The following SCFD2 variants were observed in gnomAD, a reference collection of about 807,000 sequenced individuals.
SCFD2 encodes the protein sec1 family domain-containing protein 2.
Under a neutral mutation model 58.9 loss-of-function variants are expected in SCFD2, and 54 were observed. The observed-to-expected ratio is 0.92, with a 90% CI of 0.74 to 1.15. The LOEUF (loss-of-function observed/expected upper bound fraction) is 1.15. Ranked by LOEUF, SCFD2 falls within the 50% of genes most tolerant of loss-of-function variation. The pLI is 0.00. For missense variants in SCFD2, 805 were observed against 836.6 expected (o/e 0.96, Z 0.47); for synonymous variants, 321 against 335.9 (o/e 0.96, Z 0.49).
At chr4:53,050,268 T>C (rs1723154368) in intron 5 of SCFD2, among the ~76,000 whole-genome samples, 1 of 152,178 alleles carries the variant, frequency 6.6e-6, no homozygotes, top group Non-Finnish European at 1.5e-5. Flanking sequence ...AATGAGGTGT[T>C]GATTAGACAT....
chr4:52,974,381 C>G (rs1292274900), intron 5 of SCFD2, among the ~76,000 whole-genome samples: 1 of 152,128 alleles, frequency 6.6e-6, no homozygotes. Flanking sequence ...CAATAACAGA[C>G]AAACAGAGAG....
At chr4:53,114,768 T>A (rs1725273908) in intron 5 of SCFD2, among the ~76,000 whole-genome samples, 1 of 152,078 alleles carries the variant, frequency 6.6e-6, no homozygotes, top group Non-Finnish European at 1.5e-5. Context: ...ACAGAAATAG[T>A]TTTGAAAATT....
intron 4 of SCFD2, among the ~76,000 whole-genome samples, chr4:53,260,644 G>A (rs186626154): frequency 6.6e-6 from 1 of 152,156 alleles, no homozygotes; most frequent in Admixed American, 6.5e-5. Context: ...ATTTTGCTGA[G>A]GATTTTTGCA....
chr4:53,130,544 C>A (rs1390990769), intron 5 of SCFD2, among the ~76,000 whole-genome samples: 2 of 152,110 alleles, frequency 1.3e-5, no homozygotes, highest in African/African-American at 4.8e-5. Flanking sequence ...TGCAGTGCTA[C>A]CCCACTGACC....
intron 5 of SCFD2, among the ~76,000 whole-genome samples, chr4:53,017,881 C>G (rs1475905981): frequency 7.3e-6 from 1 of 137,574 alleles, no homozygotes; most frequent in Non-Finnish European, 1.7e-5. Flanking sequence ...AGGTCATTCC[C>G]CAAAGTATCC....
chr4:53,256,507 A>T (rs1188446388), intron 4 of SCFD2, among the ~76,000 whole-genome samples: 1 of 152,086 alleles, frequency 6.6e-6, no homozygotes, highest in Non-Finnish European at 1.5e-5. Flanking sequence ...CAATCTCGGC[A>T]CTTTGGGAGG....
intron 5 of SCFD2, among the ~76,000 whole-genome samples, chr4:53,126,757 G>T (rs1386333563): frequency 1.3e-5 from 2 of 152,190 alleles, no homozygotes; most frequent in Non-Finnish European, 2.9e-5. Flanking sequence ...AGCCACACCT[G>T]CAGGGAAAGC....
chr4:53,257,862 GCT>G (rs1401217894), intron 4 of SCFD2, among the ~76,000 whole-genome samples: 3 of 151,632 alleles, frequency 2.0e-5, no homozygotes, highest in African/African-American at 7.3e-5. Context: ...CATTATGCAT[GCT>G]CTCTTTTTTA....
intron 5 of SCFD2, among the ~76,000 whole-genome samples, chr4:53,101,025 G>A (rs992546004): frequency 2.2e-4 from 34 of 152,102 alleles, no homozygotes; most frequent in African/African-American, 6.5e-4. Flanking sequence ...CAAATGCGTC[G>A]ATGGAGACAG....
At chr4:52,933,611 T>C (rs983687811) in intron 5 of SCFD2, among the ~76,000 whole-genome samples, 1 of 152,090 alleles carries the variant, frequency 6.6e-6, no homozygotes, top group Admixed American at 6.5e-5. Flanking sequence ...AAAGAACTGG[T>C]GAACTACAGC....
intron 2 of SCFD2, among the ~76,000 whole-genome samples, chr4:53,325,091 C>T (rs1350115917): frequency 6.6e-6 from 1 of 152,144 alleles, no homozygotes; most frequent in Non-Finnish European, 1.5e-5. Flanking sequence ...CCTTTTCTCA[C>T]CATAAAAACT....
chr4:53,342,784 A>G (rs2149149470), intron 2 of SCFD2, among the ~76,000 whole-genome samples: 1 of 152,232 alleles, frequency 6.6e-6, no homozygotes, highest in East Asian at 1.9e-4. Context: ...CAATCAAACT[A>G]GAACTCAGGA....
At chr4:52,875,194 T>G (rs1718442720) in intron 8 of SCFD2, among the ~76,000 whole-genome samples, 1 of 152,098 alleles carries the variant, frequency 6.6e-6, no homozygotes. Context: ...TCTGGGCCCT[T>G]TACTCCCTTA....
At chr4:53,036,608 C>T (rs1426528189) in intron 5 of SCFD2, among the ~76,000 whole-genome samples, 4 of 151,826 alleles carry the variant, frequency 2.6e-5, no homozygotes, top group Non-Finnish European at 5.9e-5. Context: ...AAGCCAAATA[C>T]CACATGTTCT....
At chr4:53,252,421 C>G (rs373075978) in intron 4 of SCFD2, among the ~76,000 whole-genome samples, 1 of 151,494 alleles carries the variant, frequency 6.6e-6, no homozygotes, top group Admixed American at 6.6e-5. Flanking sequence ...GAGCCCGCAT[C>G]GCCAAGTCAA....
intron 6 of SCFD2, among the ~76,000 whole-genome samples, chr4:52,919,432 C>A (rs371921042): frequency 6.6e-6 from 1 of 152,082 alleles, no homozygotes; most frequent in Non-Finnish European, 1.5e-5. Flanking sequence ...ATTTTGTCGC[C>A]GTGGCATTCT....
intron 5 of SCFD2, among the ~76,000 whole-genome samples, chr4:53,105,006 T>C (rs777971295): frequency 6.1e-4 from 92 of 151,708 alleles, no homozygotes; most frequent in Middle Eastern, 3.4e-3. Flanking sequence ...TCATTGGGAG[T>C]GGTCAGACAA....
chr4:52,899,926 T>C (rs1233623184), intron 7 of SCFD2, among the ~76,000 whole-genome samples: 5 of 152,242 alleles, frequency 3.3e-5, no homozygotes, highest in African/African-American at 1.2e-4. Flanking sequence ...ATACCCTTTT[T>C]TCCAGTTGAT....
intron 5 of SCFD2, among the ~76,000 whole-genome samples, chr4:53,086,421 C>T (rs1028757441): frequency 3.3e-4 from 50 of 152,238 alleles, no homozygotes; most frequent in African/African-American, 1.2e-3. Flanking sequence ...AAGCCCTATA[C>T]ACTGTTGGTG....
Sources: allele counts gnomAD v4.1 joint callset (sites outside exome capture counted in the v4.1 genomes callset), GRCh38; gene constraint gnomAD v4.1.1; transcripts MANE v1.5; gene names NCBI Gene and HGNC (gene_info 2026-07-23, HGNC 2026-07-21).